SGK3: variants seen among roughly 807,000 people sequenced by gnomAD.
SGK3 encodes the protein serum/glucocorticoid regulated kinase family member 3.
SGK3 carries 47 observed loss-of-function variants against 68.5 expected under a neutral mutation model. The observed-to-expected ratio is 0.69, with a 90% confidence interval of 0.54 to 0.87. The LOEUF (loss-of-function observed/expected upper bound fraction) is 0.87. Among genes scored for constraint, SGK3 ranks in the 40% least tolerant of loss-of-function variants. SGK3 has a pLI of 0.00. For synonymous variants in SGK3, 181 were observed against 189.1 expected (o/e 0.96, Z 0.35); for missense variants, 479 against 575.5 (o/e 0.83, Z 1.72).
chr8:66,760,437 C>T (rs1406693441), intron 1 of SGK3, among the ~76,000 whole-genome samples: 3 of 150,612 alleles, frequency 2.0e-5, no homozygotes, highest in African/African-American at 7.3e-5. Flanking sequence ...CGGGTTCACA[C>T]CATTCTCCTA....
intron 1 of SGK3, among the ~76,000 whole-genome samples, chr8:66,790,150 C>T (rs1807382134): frequency 6.6e-6 from 1 of 151,948 alleles, no homozygotes; most frequent in Non-Finnish European, 1.5e-5. Flanking sequence ...GAATATATTC[C>T]TATATGTGCT....
At position 66,759,080 on chromosome 8, in the gene SGK3, C is replaced by CT. The variant is rs752312636; in HGVS notation, c.-121-34521dup. The stretch of plus-strand genomic sequence containing the variant: ...CTTCTTTTTTCTTTTTTCTTTTCTT[C>CT]TTTTTTTTTTTTTTTGAGACAGAGT... On this transcript the variant is annotated intron_variant, in intron 1 of 16. Coordinates refer to ENST00000521198, the MANE Select transcript of SGK3 (RefSeq NM_001033578.3). 2.4e-3 allele frequency among the ~76,000 whole-genome samples: 332 copies of CT among 140,348 alleles called. 1 individual carries two copies. Among genetic ancestry groups the CT allele is most frequent in the Non-Finnish European group, 2.7e-3 (172 of 64,336 alleles). 92.1% of individuals were successfully genotyped at this position (140,348 alleles called of 152,430 possible). A position where few individuals can be genotyped will look rare whatever the true frequency, so the allele number is the denominator to read the frequency against.
rs566810141 is a variant in SGK3 at position 66,847,073 on chromosome 8, C to T, written c.1075-120C>T. The T allele has an allele frequency of 5.4e-5, 75 of 1,398,252 alleles. No individual in the cohort carries two copies. In the East Asian group the frequency reaches 7.0e-4, roughly 13 times the overall value. The allele number at this position is 1,398,252 out of a possible 1,614,324, so 86.6% of individuals were successfully genotyped here. A position where few individuals can be genotyped will look rare whatever the true frequency, so the allele number is the denominator to read the frequency against. On this transcript the variant is annotated intron_variant, in intron 14 of 16. Coordinates refer to ENST00000521198, the MANE Select transcript of SGK3 (RefSeq NM_001033578.3). ...GGAAGCCACACTGCAGGTGTCTACA[C>T]GTCCCAAGAGGTCCATACATTTTTT...
chr8:66,843,419 T>G, intron 13 of SGK3, 33 bp from the exon 14 acceptor site: 1 of 1,585,016 alleles, frequency 6.3e-7, no homozygotes, highest in Non-Finnish European at 8.6e-7. Flanking sequence ...ATTTGTTTAC[T>G]GACTTGCTCT....
chr8:66,795,181 G>A (rs1807626813), intron 2 of SGK3, among the ~76,000 whole-genome samples: 1 of 152,212 alleles, frequency 6.6e-6, no homozygotes, highest in African/African-American at 2.4e-5. Flanking sequence ...ACTAGGTGGG[G>A]CTGAGTGCCG....
chr8:66,758,425 A>G (rs1357414391), intron 1 of SGK3, among the ~76,000 whole-genome samples: 1 of 152,160 alleles, frequency 6.6e-6, no homozygotes, highest in Admixed American at 6.6e-5. Flanking sequence ...AATTAGCATT[A>G]TATTATTTGT....
At chr8:66,751,548 C>T (rs1457393371) in intron 1 of SGK3, among the ~76,000 whole-genome samples, 1 of 152,016 alleles carries the variant, frequency 6.6e-6, no homozygotes, top group Non-Finnish European at 1.5e-5. Context: ...TCATTGAGCA[C>T]ATCTTATAAT....
At chr8:66,767,239 A>T (rs543138492) in intron 1 of SGK3, among the ~76,000 whole-genome samples, 1 of 152,262 alleles carries the variant, frequency 6.6e-6, no homozygotes. Context: ...AAGCATTATT[A>T]TCCCATTTTA....
At chr8:66,828,850 C>G in intron 7 of SGK3, 147 bp downstream of exon 7, 1 of 987,412 alleles carries the variant, frequency 1.0e-6, no homozygotes, top group Non-Finnish European at 1.5e-6. Flanking sequence ...CTGTCATATG[C>G]TTGTATGCTC....
intron 7 of SGK3, 89 bp from the exon 8 acceptor site, chr8:66,831,165 A>AT: frequency 6.7e-7 from 1 of 1,499,864 alleles, no homozygotes; most frequent in East Asian, 2.3e-5. Flanking sequence ...CCTAACATTT[A>AT]TTTTTTAAAG....
At chr8:66,812,426 G>A (rs1163947609) in intron 4 of SGK3, among the ~76,000 whole-genome samples, 1 of 151,870 alleles carries the variant, frequency 6.6e-6, no homozygotes, top group African/African-American at 2.4e-5. Context: ...GTGTGGTGGT[G>A]CGTGCCTGTA....
At chr8:66,734,068 G>A (rs1393771578) in intron 1 of SGK3, among the ~76,000 whole-genome samples, 3 of 152,144 alleles carry the variant, frequency 2.0e-5, no homozygotes, top group South Asian at 4.1e-4. Context: ...TTTGTTGCAG[G>A]AATCACAGTG....
At chr8:66,788,663 A>G (rs953913288) in intron 1 of SGK3, among the ~76,000 whole-genome samples, 1 of 152,082 alleles carries the variant, frequency 6.6e-6, no homozygotes, top group Non-Finnish European at 1.5e-5. Context: ...GAAACTCACT[A>G]TTTGTTTTAC....
intron 1 of SGK3, among the ~76,000 whole-genome samples, chr8:66,744,868 T>C (rs1286762038): frequency 6.6e-6 from 1 of 151,806 alleles, no homozygotes; most frequent in Non-Finnish European, 1.5e-5. Flanking sequence ...GTCCTTCAAT[T>C]TTCTTAGTTT....
At chr8:66,841,506 TAAC>T (rs1431357616) in intron 13 of SGK3, among the ~76,000 whole-genome samples, 4 of 152,212 alleles carry the variant, frequency 2.6e-5, no homozygotes, top group Non-Finnish European at 5.9e-5. Flanking sequence ...GTGACTATGT[TAAC>T]AACATTGAAT....
At chr8:66,854,918 G>A (rs188468866) in intron 16 of SGK3, among the ~76,000 whole-genome samples, 10 of 152,156 alleles carry the variant, frequency 6.6e-5, no homozygotes, top group African/African-American at 1.9e-4. Flanking sequence ...GGAGGCTGAG[G>A]CAGGTGGATT....
At chr8:66,724,914 A>G (rs188681981) in intron 1 of SGK3, among the ~76,000 whole-genome samples, 256 of 152,270 alleles carry the variant, frequency 1.7e-3, no homozygotes, top group African/African-American at 5.7e-3. Flanking sequence ...CAATATGACG[A>G]AACCCCGTCT....
At chr8:66,796,604 A>G (rs1405601700) in intron 2 of SGK3, among the ~76,000 whole-genome samples, 1 of 151,926 alleles carries the variant, frequency 6.6e-6, no homozygotes, top group Non-Finnish European at 1.5e-5. Context: ...AGCCTTGATA[A>G]TATTTTTATA....
chr8:66,831,381 CTG>C, intron 8 of SGK3, 70 bp downstream of exon 8: 2 of 1,573,756 alleles, frequency 1.3e-6, no homozygotes, highest in Non-Finnish European at 1.7e-6. Flanking sequence ...GGGTCTCACT[CTG>C]TTGTCCAGGC....
Sources: gnomAD v4.1 joint callset for allele counts (sites outside exome capture counted in the v4.1 genomes callset) on GRCh38, gnomAD v4.1.1 for gene constraint, MANE v1.5 for transcripts, NCBI Gene and HGNC (gene_info 2026-07-23, HGNC 2026-07-21) for gene names.